SUCLG2: variants seen among roughly 807,000 people sequenced by gnomAD.
SUCLG2 encodes the protein succinate-CoA ligase GDP-forming subunit beta, also known as succinate--CoA ligase [GDP-forming] subunit beta, mitochondrial.
A neutral mutation model predicts 47.9 loss-of-function variants in SUCLG2; 42 were observed. The ratio of observed to expected loss-of-function variants is 0.88; its 90% CI spans 0.69 to 1.14. The LOEUF is 1.14. Among genes scored for constraint, SUCLG2 ranks in the 50% most tolerant of loss-of-function variants. The pLI, the probability that SUCLG2 is intolerant of heterozygous loss-of-function variation, is 0.00. For missense variants in SUCLG2, 571 were observed against 525.9 expected (o/e 1.09, Z -0.84); for synonymous variants, 195 against 197.3 (o/e 0.99, Z 0.10).
intron 9 of SUCLG2, among the ~76,000 whole-genome samples, chr3:67,406,072 A>G (rs1326670892): frequency 6.6e-6 from 1 of 152,164 alleles, no homozygotes; most frequent in Non-Finnish European, 1.5e-5. Flanking sequence ...TCTGCCATAT[A>G]CTTGTGAGAC....
chr3:67,564,456 G>A (rs1046314658), intron 2 of SUCLG2, among the ~76,000 whole-genome samples: 17 of 152,104 alleles, frequency 1.1e-4, no homozygotes, highest in African/African-American at 4.1e-4. Flanking sequence ...AGTGAAACTA[G>A]TTAGAAACAA....
At chr3:67,542,138 T>C (rs1007019728) in intron 2 of SUCLG2, among the ~76,000 whole-genome samples, 1 of 152,132 alleles carries the variant, frequency 6.6e-6, no homozygotes, top group African/African-American at 2.4e-5. Context: ...CCTCCCAAAG[T>C]GCTGGGATTA....
At chr3:67,365,195 C>T (rs1575650585) in intron 10 of SUCLG2, among the ~76,000 whole-genome samples, 1 of 152,132 alleles carries the variant, frequency 6.6e-6, no homozygotes, top group South Asian at 2.1e-4. Flanking sequence ...TTTATGTCAC[C>T]GAACTCCTGT....
At chr3:67,573,874 A>G (rs1055876753) in intron 2 of SUCLG2, among the ~76,000 whole-genome samples, 1 of 152,010 alleles carries the variant, frequency 6.6e-6, no homozygotes, top group African/African-American at 2.4e-5. Context: ...AAAGAGCCCC[A>G]TCTTTAGCTG....
chr3:67,612,004 T>C (rs1700535754), intron 1 of SUCLG2, among the ~76,000 whole-genome samples: 1 of 152,168 alleles, frequency 6.6e-6, no homozygotes, highest in African/African-American at 2.4e-5. Flanking sequence ...ATCCAAAACT[T>C]GGAAAACTAG....
chr3:67,545,262 A>G (rs1706834199), intron 2 of SUCLG2, among the ~76,000 whole-genome samples: 1 of 152,174 alleles, frequency 6.6e-6, no homozygotes, highest in Admixed American at 6.5e-5. Flanking sequence ...TGTTGTTGCC[A>G]TAAAAAGGAA....
intron 9 of SUCLG2, among the ~76,000 whole-genome samples, chr3:67,439,023 A>T (rs939554318): frequency 6.6e-6 from 1 of 152,232 alleles, no homozygotes; most frequent in Non-Finnish European, 1.5e-5. Context: ...GTAGCACATC[A>T]AAAAGCTTTT....
At chr3:67,518,442 G>T in intron 5 of SUCLG2, 106 bp from the exon 6 acceptor site, 1 of 1,034,804 alleles carries the variant, frequency 9.7e-7, no homozygotes, top group Non-Finnish European at 1.4e-6. Flanking sequence ...TAATTAAAGT[G>T]TGGCATCTAT....
intron 9 of SUCLG2, among the ~76,000 whole-genome samples, chr3:67,466,365 A>C (rs1281504855): frequency 6.6e-6 from 1 of 152,194 alleles, no homozygotes; most frequent in Admixed American, 6.5e-5. Context: ...AAAAGAATTT[A>C]TGCTGGTCAT....
intron 9 of SUCLG2, among the ~76,000 whole-genome samples, chr3:67,453,820 T>A (rs1212045706): frequency 2.0e-5 from 3 of 152,198 alleles, no homozygotes; most frequent in Admixed American, 6.5e-5. Flanking sequence ...GTCACATGTG[T>A]ATCAGTTACA....
At chr3:67,467,702 G>A (rs1226505297) in intron 9 of SUCLG2, among the ~76,000 whole-genome samples, 1 of 152,058 alleles carries the variant, frequency 6.6e-6, no homozygotes, top group African/African-American at 2.4e-5. Context: ...AATTAAATAT[G>A]TAATATGGTA....
intron 9 of SUCLG2, among the ~76,000 whole-genome samples, chr3:67,435,023 A>C (rs987568120): frequency 1.3e-5 from 2 of 152,186 alleles, no homozygotes; most frequent in African/African-American, 4.8e-5. Flanking sequence ...CAAAAGACTC[A>C]AGGTCAATCG....
At chr3:67,497,691 ATT>A (rs144500182) in intron 8 of SUCLG2, among the ~76,000 whole-genome samples, 3,275 of 152,230 alleles carry the variant, frequency 0.022, 67 homozygotes, top group African/African-American at 0.052. Flanking sequence ...AAAGGTTCTA[ATT>A]TTTTACTAAG....
intron 2 of SUCLG2, among the ~76,000 whole-genome samples, chr3:67,593,676 C>T (rs1029303970): frequency 1.2e-4 from 18 of 152,208 alleles, no homozygotes; most frequent in African/African-American, 4.3e-4. Context: ...CACAGGGTGA[C>T]CGACTCATCC....
At chr3:67,366,295 A>G (rs1435812235) in intron 10 of SUCLG2, among the ~76,000 whole-genome samples, 1 of 152,114 alleles carries the variant, frequency 6.6e-6, no homozygotes, top group East Asian at 1.9e-4. Context: ...CCCTATCTCT[A>G]CTAAACACAC....
rs192162644 is a variant in SUCLG2 at position 67,546,999 on chromosome 3, G to A, written c.227-17813C>T. Among the ~76,000 whole-genome samples, 279 of 152,296 alleles carry A rather than the reference G, an allele frequency of 1.8e-3. 2 individuals carry two copies. Among genetic ancestry groups the A allele is most frequent in the Non-Finnish European group, 3.4e-3 (231 of 68,018 alleles). ...CTATCCACACACAGCTTGCTAATATGGCTAATGTTTTTTCTATACCCCCAC... is the reference window on the plus strand; with the variant it reads ...CTATCCACACACAGCTTGCTAATATAGCTAATGTTTTTTCTATACCCCCAC... On this transcript the variant is annotated intron_variant, in intron 2 of 10. Transcript: ENST00000307227.
At position 67,495,923 on chromosome 3, in the gene SUCLG2, C is replaced by G; in HGVS notation, c.937G>C (p.Ala313Pro). The G allele has an allele frequency of 6.2e-7, 1 of 1,613,892 alleles. No individual in the cohort carries two copies. ...IACFVNGAGL[A>P]MATCDIIFLN... is the part of the protein sequence containing the mutation. The stretch of plus-strand genomic sequence containing the variant: ...AAAATGATATCACAAGTAGCCATGG[C>G]GAGCCCAGCACCATTCACTGTGAAA... The change falls in exon 9 of 11, where the codon GCC becomes CCC. Residue 313 changes from alanine (A) to proline (P), a missense_variant. By Grantham distance (27) the Ala-to-Pro change is conservative. Coordinates refer to ENST00000307227, the MANE Select transcript of SUCLG2 (RefSeq NM_003848.4).
chr3:67,400,697 G>A (rs758753111), intron 10 of SUCLG2, 34 bp downstream of exon 10: 2 of 1,604,894 alleles, frequency 1.2e-6, no homozygotes, highest in South Asian at 2.2e-5. Context: ...TTGGAGAAGG[G>A]GTGCTGGCAC....
At chr3:67,546,224 T>G (rs1204024748) in intron 2 of SUCLG2, among the ~76,000 whole-genome samples, 1 of 152,192 alleles carries the variant, frequency 6.6e-6, no homozygotes. Flanking sequence ...ATTTTTTGAC[T>G]TGAGTTTGGA....
Sources: gnomAD v4.1 joint callset for allele counts (sites outside exome capture counted in the v4.1 genomes callset) on GRCh38, gnomAD v4.1.1 for gene constraint, MANE v1.5 for transcripts, NCBI Gene and HGNC (gene_info 2026-07-23, HGNC 2026-07-21) for gene names.